Variants in ZNF521 observed in about 807,000 individuals in gnomAD.
ZNF521 encodes zinc finger protein 521.
A neutral mutation model predicts 105.5 loss-of-function variants in ZNF521; 14 were observed. The observed-to-expected ratio is 0.13, with a 90% CI of 0.09 to 0.21. The LOEUF (loss-of-function observed/expected upper bound fraction) is 0.21. Among genes scored for constraint, ZNF521 ranks in the 10% least tolerant of loss-of-function variants. The probability of loss-of-function intolerance (pLI) is 1.00; values close to 1 mark genes in which losing one functional copy is unlikely to be tolerated. For synonymous variants in ZNF521, 635 were observed against 606.0 expected, an observed-to-expected ratio of 1.05 and a Z score of -0.70; for missense variants, 1,233 against 1,629.7, an observed-to-expected ratio of 0.76 and a Z score of 4.19.
At chr18:25,121,142 C>T (rs563893486) in intron 5 of ZNF521, among the ~76,000 whole-genome samples, 14 of 127,052 alleles carry the variant, frequency 1.1e-4, no homozygotes, top group African/African-American at 1.7e-4. Flanking sequence ...GACAGAGTCT[C>T]GCTCTGTCTC....
intron 5 of ZNF521, among the ~76,000 whole-genome samples, chr18:25,120,762 G>C (rs1321017743): frequency 3.9e-5 from 6 of 152,210 alleles, no homozygotes; most frequent in Non-Finnish European, 2.9e-5. Flanking sequence ...TCTTATTACT[G>C]TAATAAACAG....
intron 3 of ZNF521, among the ~76,000 whole-genome samples, chr18:25,283,433 G>C (rs1396740622): frequency 6.6e-6 from 1 of 152,190 alleles, no homozygotes. Context: ...ATTAAAAGCT[G>C]AGGTCGGTCT....
intron 3 of ZNF521, among the ~76,000 whole-genome samples, chr18:25,312,968 G>A (rs1239437369): frequency 1.3e-5 from 2 of 152,142 alleles, no homozygotes; most frequent in African/African-American, 4.8e-5. Flanking sequence ...ACTGAGAGGA[G>A]CAAAGATTTG....
intron 3 of ZNF521, among the ~76,000 whole-genome samples, chr18:25,274,689 G>A (rs1319490987): frequency 6.6e-6 from 1 of 152,190 alleles, no homozygotes; most frequent in African/African-American, 2.4e-5. Flanking sequence ...TTGGAATAAT[G>A]AAGAAATACT....
intron 5 of ZNF521, among the ~76,000 whole-genome samples, chr18:25,116,436 A>C (rs2034303448): frequency 6.6e-6 from 1 of 152,170 alleles, no homozygotes; most frequent in South Asian, 2.1e-4. Context: ...AAACTAACAA[A>C]AGGTAACCCC....
chr18:25,325,833 A>G (rs187736125), intron 2 of ZNF521, among the ~76,000 whole-genome samples: 1 of 152,316 alleles, frequency 6.6e-6, no homozygotes, highest in East Asian at 1.9e-4. Flanking sequence ...AATTTTGTTA[A>G]CATTACTTAT....
At chr18:25,192,409 C>T (rs775820498) in intron 5 of ZNF521, among the ~76,000 whole-genome samples, 5 of 152,036 alleles carry the variant, frequency 3.3e-5, no homozygotes, top group Non-Finnish European at 5.9e-5. Context: ...AGATGTGTGG[C>T]GGTTGCTTGA....
At chr18:25,312,522 T>C (rs527760171) in intron 3 of ZNF521, among the ~76,000 whole-genome samples, 1 of 110,446 alleles carries the variant, frequency 9.1e-6, no homozygotes, top group Non-Finnish European at 2.0e-5. Context: ...GGTTCAGAAG[T>C]TGGAACCAGG....
chr18:25,062,663 TC>T lies in ZNF521; in HGVS notation c.*48del. On this transcript the variant is annotated 3_prime_UTR_variant, in exon 8 of 8. Coordinates refer to ENST00000361524, the MANE Select transcript of ZNF521 (RefSeq NM_015461.3). ...GTTTCGTGCAAAGAGTAAAACATGT[TC>T]CCTTTTTGTGCCACAAAATCAATTC... The T allele has an allele frequency of 6.4e-7, 1 of 1,572,150 alleles. No homozygotes were observed. The highest frequency in any genetic ancestry group is 8.6e-7 in the Non-Finnish European group (1 of 1,166,128).
intron 3 of ZNF521, among the ~76,000 whole-genome samples, chr18:25,247,289 G>A (rs1016724937): frequency 2.0e-5 from 3 of 152,110 alleles, no homozygotes; most frequent in African/African-American, 7.2e-5. Context: ...GAAGAAGCAC[G>A]AAAACAATCT....
At chr18:25,314,940 T>C (rs1240164702) in intron 3 of ZNF521, among the ~76,000 whole-genome samples, 1 of 152,204 alleles carries the variant, frequency 6.6e-6, no homozygotes, top group Non-Finnish European at 1.5e-5. Context: ...CTTACTCAGT[T>C]TTGTAAGCAT....
intron 4 of ZNF521, among the ~76,000 whole-genome samples, chr18:25,214,718 G>T (rs1374877884): frequency 1.3e-5 from 2 of 152,054 alleles, no homozygotes; most frequent in Non-Finnish European, 2.9e-5. Flanking sequence ...TATAGTCAGA[G>T]AACTTGATTT....
chr18:25,152,475 T>A (rs1489802444), intron 5 of ZNF521, among the ~76,000 whole-genome samples: 1 of 140,228 alleles, frequency 7.1e-6, no homozygotes. Context: ...CGAGACTCGG[T>A]CTCAAAAAAA....
At chr18:25,264,000 T>C (rs1330044268) in intron 3 of ZNF521, among the ~76,000 whole-genome samples, 1 of 152,238 alleles carries the variant, frequency 6.6e-6, no homozygotes, top group Non-Finnish European at 1.5e-5. Flanking sequence ...AGTGCTAAAT[T>C]TTGTCATGTA....
At position 25,160,073 on chromosome 18, in the gene ZNF521, T is replaced by A. The variant is rs1011066903; in HGVS notation, c.3658+35087A>T. On this transcript the variant is annotated intron_variant, in intron 5 of 7. Coordinates refer to ENST00000361524, the MANE Select transcript of ZNF521 (RefSeq NM_015461.3). Reference sequence around the variant, plus strand: ...AGGGTATGCAAAGGCACCAGACAACTCACCTGCCAGGACACTCTTCTGGTT... The same window carrying A: ...AGGGTATGCAAAGGCACCAGACAACACACCTGCCAGGACACTCTTCTGGTT... 1.5e-4 allele frequency among the ~76,000 whole-genome samples: 23 copies of A among 152,296 alleles called. 1 individual carries two copies. The highest frequency in any genetic ancestry group is 5.1e-4 in the African/African-American group (21 of 41,566).
In ZNF521 at chr18:25,077,639, G is replaced by A. The variant is rs544228633; in HGVS notation, c.3906+11826C>T. Among the ~76,000 whole-genome samples the A allele has an allele frequency of 9.9e-5, 15 of 152,278 alleles. 1 individual carries two copies. The East Asian group carries it at 2.9e-3, about 29-fold the overall frequency. ...CCGAAAACGACGCCAATGAAAGGGAGGGATGAGAGATGCTAAACAATGCCG... is the reference window on the plus strand; with the variant it reads ...CCGAAAACGACGCCAATGAAAGGGAAGGATGAGAGATGCTAAACAATGCCG... On this transcript the variant is annotated intron_variant, in intron 7 of 7. Transcript: ENST00000361524.
chr18:25,285,274 C>A (rs1022044474), intron 3 of ZNF521, among the ~76,000 whole-genome samples: 1 of 152,126 alleles, frequency 6.6e-6, no homozygotes, highest in Non-Finnish European at 1.5e-5. Flanking sequence ...TTCAGGCATT[C>A]GGAGAGAACC....
At position 25,133,246 on chromosome 18, in the gene ZNF521, T is replaced by A. The variant is rs1456582386; in HGVS notation, c.3659-41165A>T. On this transcript the variant is annotated intron_variant, in intron 5 of 7. Coordinates refer to ENST00000361524, the MANE Select transcript of ZNF521 (RefSeq NM_015461.3). ...ATGAATGTATTAACATGGCCTAATA[T>A]AGATTCTACGTGCATTTGTGGTTAA... Among the ~76,000 whole-genome samples the A allele has an allele frequency of 2.0e-5, 3 of 152,190 alleles. No individual in the cohort carries two copies. The East Asian group carries it at 5.8e-4, about 29-fold the overall frequency.
chr18:25,275,522 T>C (rs1300075638), intron 3 of ZNF521, among the ~76,000 whole-genome samples: 1 of 152,204 alleles, frequency 6.6e-6, no homozygotes, highest in Non-Finnish European at 1.5e-5. Flanking sequence ...CATTTACTCT[T>C]AAGATAACAA....
Sources: gnomAD v4.1 joint callset for allele counts (sites outside exome capture counted in the v4.1 genomes callset) on GRCh38, gnomAD v4.1.1 for gene constraint, MANE v1.5 for transcripts, NCBI Gene and HGNC (gene_info 2026-07-23, HGNC 2026-07-21) for gene names.